LRP6: variants seen among roughly 807,000 people sequenced by gnomAD.
LRP6 encodes the protein low-density lipoprotein receptor-related protein 6.
A neutral mutation model predicts 184.1 loss-of-function variants in LRP6; 43 were observed. The observed-to-expected ratio is 0.23, with a 90% CI of 0.18 to 0.30. The LOEUF is 0.30. LRP6 is among the 10% of genes least tolerant of loss of function. The pLI is 1.00. For missense variants in LRP6, 1,571 were observed against 2,005.3 expected (o/e 0.78, Z 4.14); for synonymous variants, 719 against 684.9 (o/e 1.05, Z -0.78).
intron 10 of LRP6, among the ~76,000 whole-genome samples, chr12:12,160,854 T>G (rs1862722043): frequency 6.6e-6 from 1 of 152,258 alleles, no homozygotes; most frequent in Non-Finnish European, 1.5e-5. Context: ...TCTTGAATAC[T>G]GGAACTAAAA....
Position 12,124,697 on chromosome 12 carries a change from C to G in LRP6, c.4450-35G>C, listed in dbSNP as rs770422090. 7 of 1,327,882 alleles carry G rather than the reference C, an allele frequency of 5.3e-6. No individual in the cohort carries two copies. In the African/African-American group the frequency reaches 8.8e-5, roughly 17 times the overall value. 82.3% of individuals were successfully genotyped at this position (1,327,882 alleles called of 1,614,324 possible). A position where few individuals can be genotyped will look rare whatever the true frequency, so the allele number is the denominator to read the frequency against. ...AAAAATAATTAAAATATTAAAATAA[C>G]AACATAGAAACTATCAGACTTTCTT... On this transcript the variant is annotated intron_variant, in intron 21 of 22. Transcript: ENST00000261349.
At chr12:12,140,478 A>C (rs1248007909) in intron 15 of LRP6, among the ~76,000 whole-genome samples, 1 of 152,200 alleles carries the variant, frequency 6.6e-6, no homozygotes, top group Non-Finnish European at 1.5e-5. Context: ...ATTATCAAAG[A>C]AACAACACAA....
At chr12:12,135,668 G>A (rs772858169) in intron 16 of LRP6, among the ~76,000 whole-genome samples, 24 of 151,344 alleles carry the variant, frequency 1.6e-4, no homozygotes, top group Non-Finnish European at 2.9e-4. Context: ...CAATTTTTCC[G>A]TTTTTAGTAA....
Position 12,164,965 on chromosome 12 carries a change from G to T in LRP6, c.1762+114C>A, listed in dbSNP as rs1326654787. The T allele has an allele frequency of 2.0e-5, 11 of 547,348 alleles. No homozygotes were observed. The African/African-American group carries it at 2.0e-4, about 10-fold the overall frequency. 33.9% of individuals were successfully genotyped at this position (547,348 alleles called of 1,614,324 possible). A position where few individuals can be genotyped will look rare whatever the true frequency, so the allele number is the denominator to read the frequency against. On this transcript the variant is annotated intron_variant, in intron 8 of 22. Coordinates refer to ENST00000261349, the MANE Select transcript of LRP6 (RefSeq NM_002336.3). ...AAAAAAAAAAAAAAAAGGCGGGGGG[G>T]CAGTAAAGAAGGTTTCAAAATTGCC... is the stretch of plus-strand genomic sequence containing the variant.
rs60730865 is a variant in LRP6, at chr12:12,266,591, T to C, written c.55+90A>G. On this transcript the variant is annotated intron_variant, in intron 1 of 22. Coordinates refer to ENST00000261349, the MANE Select transcript of LRP6 (RefSeq NM_002336.3). ...TCCCCGCTCCTCTCCCCTTCTCCCTTCCTCCGTCCCTCCCCTCCCCCTAGA... is the reference window on the plus strand; with the variant it reads ...TCCCCGCTCCTCTCCCCTTCTCCCTCCCTCCGTCCCTCCCCTCCCCCTAGA... The C allele has an allele frequency of 0.027, 28,850 of 1,063,552 alleles. 3,178 individuals are homozygous for C. The African/African-American group carries it at 0.29, about 11-fold the overall frequency. The allele number at this position is 1,063,552 out of a possible 1,614,324, so 65.9% of individuals were successfully genotyped here. A position where few individuals can be genotyped will look rare whatever the true frequency, so the allele number is the denominator to read the frequency against.
chr12:12,217,231 T>C (rs1864371464), intron 2 of LRP6, among the ~76,000 whole-genome samples: 1 of 152,116 alleles, frequency 6.6e-6, no homozygotes, highest in Non-Finnish European at 1.5e-5. Context: ...AGGTATTAGA[T>C]TCTCATAAGA....
intron 2 of LRP6, among the ~76,000 whole-genome samples, chr12:12,206,051 A>G (rs1864048632): frequency 6.6e-6 from 1 of 152,236 alleles, no homozygotes; most frequent in African/African-American, 2.4e-5. Context: ...TCAGTATCGT[A>G]GCATGCTGTA....
rs1950035455 is a variant in LRP6 at position 12,148,176 on chromosome 12, A to T, written c.3207-620T>A. On this transcript the variant is annotated intron_variant, in intron 14 of 22. Coordinates refer to ENST00000261349, the MANE Select transcript of LRP6 (RefSeq NM_002336.3). Reference sequence around the variant, plus strand: ...GCAACAAAGGTACACAGAAGTTATTAGGGAGCTTTCATAGATTAACAGAAT... The same window carrying T: ...GCAACAAAGGTACACAGAAGTTATTTGGGAGCTTTCATAGATTAACAGAAT... 2.0e-5 allele frequency among the ~76,000 whole-genome samples: 3 copies of T among 151,862 alleles called. No individual in the cohort carries two copies. The South Asian group carries it at 6.2e-4, about 31-fold the overall frequency.
At chr12:12,131,449 G>C (rs769137689) in intron 18 of LRP6, among the ~76,000 whole-genome samples, 3 of 152,148 alleles carry the variant, frequency 2.0e-5, no homozygotes, top group Middle Eastern at 3.2e-3. Context: ...AAGAATTCTA[G>C]AGAACTTGGC....
chr12:12,196,329 T>C (rs2137025909), intron 3 of LRP6, among the ~76,000 whole-genome samples: 1 of 152,284 alleles, frequency 6.6e-6, no homozygotes, highest in South Asian at 2.1e-4. Flanking sequence ...TCCATGAGCA[T>C]GAAATGTTTT....
At position 12,181,221 on chromosome 12, in the gene LRP6, T is replaced by G. The variant is rs1230941751; in HGVS notation, c.1195A>C (p.Thr399Pro). 1 of 1,614,066 alleles carries G rather than the reference T, an allele frequency of 6.2e-7. No individual in the cohort carries two copies. The highest frequency in any genetic ancestry group is 1.7e-5 in the Admixed American group (1 of 59,998). ...IDGSGSQFVV[T>P]AQIAHPDGIA... ...CCATCAGGATGGGCAATTTGAGCAG[T>G]GACCACAAACTGACTGCCAGATCCA... Residue 399 changes from threonine (T) to proline (P), a missense_variant, in exon 6 of 23, where the codon ACT becomes CCT. Around this residue, in one of 4 missense-constraint regions of LRP6, gnomAD observed 640 missense variants for 851.9 expected, o/e 0.75. Coordinates refer to ENST00000261349, the MANE Select transcript of LRP6 (RefSeq NM_002336.3).
At chr12:12,261,835 G>A (rs1018916425) in intron 1 of LRP6, among the ~76,000 whole-genome samples, 10 of 152,128 alleles carry the variant, frequency 6.6e-5, no homozygotes, top group Non-Finnish European at 1.5e-4. Context: ...AGAAAGGATC[G>A]CTTCTACAGA....
Position 12,267,032 on chromosome 12 carries a change from G to T in LRP6, c.-297C>A. 2.2e-6 allele frequency: 1 copy of T among 462,428 alleles called. No individual in the cohort carries two copies. Among genetic ancestry groups the T allele is most frequent in the Non-Finnish European group, 3.8e-6 (1 of 261,898 alleles). The allele number at this position is 462,428 out of a possible 1,614,324, so 28.6% of individuals were successfully genotyped here. A position where few individuals can be genotyped will look rare whatever the true frequency, so the allele number is the denominator to read the frequency against. ...TCATTCAGCCTCTGCCTCGCGCAGCGGCGCAGGGATACGGTCGGCACCGCC... is the reference window on the plus strand; with the variant it reads ...TCATTCAGCCTCTGCCTCGCGCAGCTGCGCAGGGATACGGTCGGCACCGCC... On this transcript the variant is annotated 5_prime_UTR_variant, in exon 1 of 23. Transcript: ENST00000261349.
intron 3 of LRP6, among the ~76,000 whole-genome samples, chr12:12,197,693 T>A (rs1431315073): frequency 6.6e-6 from 1 of 152,212 alleles, no homozygotes; most frequent in Non-Finnish European, 1.5e-5. Flanking sequence ...GATGCAACAA[T>A]ATAAAGTTTC....
chr12:12,200,272 A>C (rs1470455454), intron 3 of LRP6, among the ~76,000 whole-genome samples: 3 of 152,180 alleles, frequency 2.0e-5, no homozygotes, highest in Admixed American at 6.5e-5. Flanking sequence ...AATGGAATCC[A>C]CATTCTTCCT....
intron 12 of LRP6, among the ~76,000 whole-genome samples, chr12:12,151,986 A>C (rs1310573837): frequency 6.6e-6 from 1 of 152,182 alleles, no homozygotes; most frequent in African/African-American, 2.4e-5. Context: ...AATTACAAAA[A>C]TAATAATAGA....
chr12:12,164,674 T>C, intron 8 of LRP6, 112 bp from the exon 9 acceptor site: 4 of 975,170 alleles, frequency 4.1e-6, no homozygotes, highest in Admixed American at 4.5e-5. Context: ...TATGATTATG[T>C]CTTGCTCCCA....
intron 7 of LRP6, among the ~76,000 whole-genome samples, chr12:12,171,399 G>A (rs1020140296): frequency 5.3e-5 from 8 of 151,922 alleles, no homozygotes; most frequent in East Asian, 1.9e-4. Flanking sequence ...GCGGGTGCCC[G>A]TAGTCCCAGC....
At chr12:12,214,221 G>C (rs896558939) in intron 2 of LRP6, among the ~76,000 whole-genome samples, 36 of 152,230 alleles carry the variant, frequency 2.4e-4, no homozygotes, top group Admixed American at 6.5e-4. Context: ...TATATTACAA[G>C]AGAAAATTTA....
Sources: gnomAD v4.1 joint callset for allele counts (sites outside exome capture counted in the v4.1 genomes callset) on GRCh38, gnomAD v4.1.1 for gene constraint, gnomAD v4.1.1 regional missense constraint, MANE v1.5 for transcripts, NCBI Gene and HGNC (gene_info 2026-07-23, HGNC 2026-07-21) for gene names.